SETD3: variants seen among roughly 807,000 people sequenced by gnomAD.
SETD3 encodes the protein SET domain containing 3, actin N3(tau)-histidine methyltransferase.
Under a neutral mutation model 63.0 loss-of-function variants are expected in SETD3, and 19 were observed. The observed-to-expected ratio is 0.30, with a 90% confidence interval of 0.21 to 0.44. The LOEUF is 0.44. SETD3 is among the 20% of genes least tolerant of loss of function. SETD3 has a pLI of 1.00. For missense variants in SETD3, 587 were observed against 728.5 expected (o/e 0.81, Z 2.24); for synonymous variants, 286 against 264.1 (o/e 1.08, Z -0.80).
intron 1 of SETD3, among the ~76,000 whole-genome samples, chr14:99,474,716 G>A (rs553494756): frequency 2.6e-4 from 39 of 152,244 alleles, no homozygotes; most frequent in Admixed American, 7.2e-4. Flanking sequence ...AATAGTCCCA[G>A]TTACTTGGGA....
intron 11 of SETD3, among the ~76,000 whole-genome samples, chr14:99,403,627 A>G (rs1891522548): frequency 6.6e-6 from 1 of 152,248 alleles, no homozygotes; most frequent in Non-Finnish European, 1.5e-5. Context: ...CTAATATAAA[A>G]GTAGATGCTC....
intron 1 of SETD3, among the ~76,000 whole-genome samples, chr14:99,473,510 T>C (rs1216500938): frequency 6.6e-6 from 1 of 152,242 alleles, no homozygotes; most frequent in Non-Finnish European, 1.5e-5. Context: ...TACACTTATC[T>C]GGCAATTTAT....
intron 6 of SETD3, among the ~76,000 whole-genome samples, chr14:99,450,631 G>A (rs1894405685): frequency 6.6e-6 from 1 of 152,218 alleles, no homozygotes; most frequent in African/African-American, 2.4e-5. Context: ...GGAAAAGGGG[G>A]AGGCTGCTGC....
At chr14:99,412,674 G>C (rs993324700) in intron 8 of SETD3, 10 of 317,956 alleles carry the variant, frequency 3.1e-5, no homozygotes, top group Non-Finnish European at 5.1e-5. Flanking sequence ...GTTGAGGCTG[G>C]AATTATGGCT....
At chr14:99,436,553 T>C (rs1893493870) in intron 6 of SETD3, among the ~76,000 whole-genome samples, 1 of 152,202 alleles carries the variant, frequency 6.6e-6, no homozygotes, top group African/African-American at 2.4e-5. Flanking sequence ...AGGCTGAGAT[T>C]AAGCGGCCCT....
chr14:99,463,206 T>C (rs1171762390), intron 3 of SETD3, among the ~76,000 whole-genome samples: 1 of 152,256 alleles, frequency 6.6e-6, no homozygotes, highest in East Asian at 1.9e-4. Flanking sequence ...TAATACTTTA[T>C]AAAATGTAAA....
chr14:99,465,930 T>G, intron 1 of SETD3, 117 bp from the exon 2 acceptor site: 2 of 587,420 alleles, frequency 3.4e-6, no homozygotes, highest in South Asian at 4.8e-5. Context: ...GATCTTACCT[T>G]ACATGAAGTT....
At chr14:99,442,154 C>T (rs1278960158) in intron 6 of SETD3, among the ~76,000 whole-genome samples, 1 of 152,220 alleles carries the variant, frequency 6.6e-6, no homozygotes. Flanking sequence ...AACCTAGCCA[C>T]TTCCTGGCTG....
chr14:99,469,508 C>T (rs558807149), intron 1 of SETD3, among the ~76,000 whole-genome samples: 1 of 152,328 alleles, frequency 6.6e-6, no homozygotes, highest in Non-Finnish European at 1.5e-5. Context: ...CTTTGGGAGG[C>T]CAAGGCAGGT....
intron 6 of SETD3, among the ~76,000 whole-genome samples, chr14:99,419,583 G>A (rs923166752): frequency 2.0e-5 from 3 of 151,888 alleles, no homozygotes; most frequent in South Asian, 2.1e-4. Flanking sequence ...AGACCATCCC[G>A]GCTAAAACGG....
chr14:99,465,204 G>A (rs1011369658), intron 2 of SETD3, among the ~76,000 whole-genome samples: 14 of 152,144 alleles, frequency 9.2e-5, no homozygotes, highest in Non-Finnish European at 1.6e-4. Context: ...TTCCAGTGAG[G>A]GGCAGAGCTC....
chr14:99,420,773 GC>G (rs952976081), intron 6 of SETD3, among the ~76,000 whole-genome samples: 1 of 151,904 alleles, frequency 6.6e-6, no homozygotes, highest in African/African-American at 2.4e-5. Flanking sequence ...CACAGATCAA[GC>G]CCACCAGTCC....
upstream of SETD3, chr14:99,481,757 A>G: frequency 5.6e-6 from 2 of 357,414 alleles, no homozygotes; most frequent in East Asian, 8.3e-5. Flanking sequence ...AGAGTTGGGG[A>G]ACTTTCTAGG....
chr14:99,445,215 A>G (rs1053032233), intron 6 of SETD3, among the ~76,000 whole-genome samples: 6 of 152,234 alleles, frequency 3.9e-5, no homozygotes, highest in African/African-American at 1.4e-4. Flanking sequence ...GGTCTCATCA[A>G]TGGTACCTTA....
intron 6 of SETD3, among the ~76,000 whole-genome samples, chr14:99,442,652 TTTC>T (rs1893890949): frequency 6.6e-6 from 1 of 152,256 alleles, no homozygotes; most frequent in African/African-American, 2.4e-5. Context: ...TTAATAATGT[TTTC>T]TTTTCTCCAG....
intron 6 of SETD3, among the ~76,000 whole-genome samples, chr14:99,414,877 G>A (rs955665085): frequency 2.6e-5 from 4 of 152,322 alleles, no homozygotes; most frequent in African/African-American, 9.6e-5. Flanking sequence ...CACTTTTAAT[G>A]CAGGAAGCTC....
In SETD3 at chr14:99,420,638, C is replaced by A. The variant is rs571358318; in HGVS notation, c.676-6704G>T. 3.3e-5 allele frequency among the ~76,000 whole-genome samples: 5 copies of A among 152,238 alleles called. No homozygotes were observed. The South Asian group carries it at 1.0e-3, about 32-fold the overall frequency. On this transcript the variant is annotated intron_variant, in intron 6 of 12. Transcript: ENST00000331768. Reference sequence around the variant, plus strand: ...TTCCACATCCTTCTATCCTATGTTCCCTCTTATGAACAGAATATTCTTCTA... The same window carrying A: ...TTCCACATCCTTCTATCCTATGTTCACTCTTATGAACAGAATATTCTTCTA...
rs112643262 is a variant in SETD3 at position 99,433,445 on chromosome 14, C to CT, written c.676-19512dup. Among the ~76,000 whole-genome samples, 993 of 148,248 alleles carry CT rather than the reference C, an allele frequency of 6.7e-3. 12 individuals are homozygous for CT. The highest frequency in any genetic ancestry group is 0.023 in the African/African-American group (922 of 40,426). Reference sequence around the variant, plus strand: ...TTAAAAAATATATATTTTAAAAGTTCTTTTTTTTTTGAGATGGAGTCTCAC... The same window carrying CT: ...TTAAAAAATATATATTTTAAAAGTTCTTTTTTTTTTTGAGATGGAGTCTCAC... On this transcript the variant is annotated intron_variant, in intron 6 of 12. Coordinates refer to ENST00000331768, the MANE Select transcript of SETD3 (RefSeq NM_032233.3).
At chr14:99,417,712 T>C (rs1053839697) in intron 6 of SETD3, among the ~76,000 whole-genome samples, 7 of 152,250 alleles carry the variant, frequency 4.6e-5, no homozygotes, top group African/African-American at 7.2e-5. Flanking sequence ...TGAAACAGCT[T>C]TGAAACATTA....
Sources: gnomAD v4.1 joint callset for allele counts (sites outside exome capture counted in the v4.1 genomes callset) on GRCh38, gnomAD v4.1.1 for gene constraint, MANE v1.5 for transcripts, NCBI Gene and HGNC (gene_info 2026-07-23, HGNC 2026-07-21) for gene names.